The following PRKG2 variants were observed in gnomAD, a reference collection of about 807,000 sequenced individuals.
The protein encoded by PRKG2 is protein kinase cGMP-dependent 2.
A neutral mutation model predicts 97.2 loss-of-function variants in PRKG2; 33 were observed. The observed-to-expected ratio is 0.34, with a 90% CI of 0.26 to 0.45. The LOEUF is 0.45. Among genes scored for constraint, PRKG2 ranks in the 20% least tolerant of loss-of-function variants. PRKG2 has a pLI of 1.00. For missense variants in PRKG2, 638 were observed against 900.0 expected (o/e 0.71, Z 3.73); for synonymous variants, 330 against 321.8 (o/e 1.03, Z -0.27).
chr4:81,098,874 C>G (rs973396731), intron 17 of PRKG2, among the ~76,000 whole-genome samples: 2 of 152,134 alleles, frequency 1.3e-5, no homozygotes, highest in African/African-American at 4.8e-5. Flanking sequence ...CACAGACACA[C>G]AAAGTGAGCA....
intron 14 of PRKG2, among the ~76,000 whole-genome samples, chr4:81,128,127 T>A (rs1745790718): frequency 6.6e-6 from 1 of 152,132 alleles, no homozygotes; most frequent in Non-Finnish European, 1.5e-5. Flanking sequence ...ATCTAATGAA[T>A]TACATTTATT....
chr4:81,170,953 G>C lies in PRKG2; in HGVS notation c.742+738C>G, dbSNP rs541754022. On this transcript the variant is annotated intron_variant, in intron 4 of 18. Coordinates refer to ENST00000264399, the MANE Select transcript of PRKG2 (RefSeq NM_006259.3). ...ATTAAAGCAAATATGGAATCAGTCA[G>C]CTTAAAGCCATTGTTTTTGGCAGAA... Among the ~76,000 whole-genome samples the C allele has an allele frequency of 1.7e-4, 26 of 152,076 alleles. No homozygotes were observed. In the South Asian group the frequency reaches 5.0e-3, roughly 29 times the overall value.
chr4:81,170,984 C>A (rs758399098), intron 4 of PRKG2, among the ~76,000 whole-genome samples: 1 of 151,836 alleles, frequency 6.6e-6, no homozygotes, highest in Non-Finnish European at 1.5e-5. Context: ...CAGAACAAAC[C>A]TTTTTATTTT....
intron 13 of PRKG2, among the ~76,000 whole-genome samples, chr4:81,136,515 C>T (rs1254184429): frequency 6.6e-6 from 1 of 152,152 alleles, no homozygotes; most frequent in African/African-American, 2.4e-5. Context: ...TCTTCTGTTG[C>T]CCTTAACTTC....
chr4:81,121,443 TAGA>T (rs1371024562), intron 14 of PRKG2, among the ~76,000 whole-genome samples: 1 of 152,192 alleles, frequency 6.6e-6, no homozygotes, highest in Non-Finnish European at 1.5e-5. Context: ...CTTTGTGCTC[TAGA>T]AGGTTATTAA....
chr4:81,120,190 CTG>C (rs1331814476), intron 14 of PRKG2, among the ~76,000 whole-genome samples: 2 of 152,160 alleles, frequency 1.3e-5, no homozygotes, highest in African/African-American at 4.8e-5. Flanking sequence ...AATGTTCAAA[CTG>C]TGTTCAAATA....
intron 2 of PRKG2, among the ~76,000 whole-genome samples, chr4:81,188,590 A>T (rs1560615289): frequency 7.4e-6 from 1 of 134,888 alleles, no homozygotes; most frequent in Non-Finnish European, 1.5e-5. Context: ...TTATTGCGGC[A>T]CTATTCACAA....
chr4:81,095,874 A>C (rs977117453), intron 17 of PRKG2, among the ~76,000 whole-genome samples: 13 of 152,180 alleles, frequency 8.5e-5, no homozygotes, highest in African/African-American at 2.9e-4. Context: ...AAGTCACACA[A>C]ATTTTGGAGT....
intron 10 of PRKG2, among the ~76,000 whole-genome samples, chr4:81,143,158 A>C (rs1376522883): frequency 2.0e-5 from 3 of 152,216 alleles, no homozygotes; most frequent in Non-Finnish European, 2.9e-5. Context: ...ACACATATGC[A>C]TATACCAGGA....
chr4:81,160,177 C>CA, intron 6 of PRKG2, among the ~76,000 whole-genome samples: 1 of 152,088 alleles, frequency 6.6e-6, no homozygotes, highest in East Asian at 1.9e-4. Flanking sequence ...TAATTGAAGA[C>CA]ATAAAGAAAG....
In PRKG2 at chr4:81,171,906, C is replaced by T. The variant is rs1750513771; in HGVS notation, c.629-102G>A. On this transcript the variant is annotated intron_variant, in intron 3 of 18. Coordinates refer to ENST00000264399, the MANE Select transcript of PRKG2 (RefSeq NM_006259.3). The stretch of plus-strand genomic sequence containing the variant: ...ACAATCATAAAGCACACAAAGTATA[C>T]AGGTAAGATATTTTATGATTCTCAT... 4.0e-6 allele frequency: 3 copies of T among 744,718 alleles called. No individual in the cohort carries two copies. In the African/African-American group the frequency reaches 5.3e-5, roughly 13 times the overall value. The allele number at this position is 744,718 out of a possible 1,614,324, so 46.1% of individuals were successfully genotyped here. A position where few individuals can be genotyped will look rare whatever the true frequency, so the allele number is the denominator to read the frequency against.
chr4:81,128,617 G>T (rs1446319305), intron 14 of PRKG2, among the ~76,000 whole-genome samples: 1 of 152,202 alleles, frequency 6.6e-6, no homozygotes, highest in Non-Finnish European at 1.5e-5. Context: ...TATTTGCGTA[G>T]AAGTGTTTAT....
rs754209080 is a variant in PRKG2 at position 81,092,462 on chromosome 4, G to GAGAA, written c.2127-14_2127-11dup. ...AAAACCATTTAACCACCTGAGAAAT[G>GAGAA]AGAAAGGAAGGAAGGAAGGAAGGAA... On this transcript the variant is annotated splice_polypyrimidine_tract_variant and intron_variant, in intron 17 of 18. Coordinates refer to ENST00000264399, the MANE Select transcript of PRKG2 (RefSeq NM_006259.3). 1.6e-5 allele frequency: 17 copies of GAGAA among 1,063,792 alleles called. No individual in the cohort carries two copies. The highest frequency in any genetic ancestry group is 2.2e-5 in the Non-Finnish European group (17 of 790,196). The allele number at this position is 1,063,792 out of a possible 1,614,324, so 65.9% of individuals were successfully genotyped here.
intron 14 of PRKG2, among the ~76,000 whole-genome samples, chr4:81,118,642 T>C (rs994533360): frequency 6.6e-6 from 1 of 152,200 alleles, no homozygotes; most frequent in Non-Finnish European, 1.5e-5. Flanking sequence ...TTAATCAAGT[T>C]GTTTGTTTTC....
At chr4:81,153,580 T>G in intron 7 of PRKG2, 64 bp downstream of exon 7, 1 of 1,330,024 alleles carries the variant, frequency 7.5e-7, no homozygotes. Flanking sequence ...AAAGCATAGT[T>G]GAGTTTATGG....
Position 81,108,245 on chromosome 4 carries a change from A to G in PRKG2, c.1940+2203T>C, listed in dbSNP as rs148603936. Among the ~76,000 whole-genome samples, 311 of 152,168 alleles carry G rather than the reference A, an allele frequency of 2.0e-3. 1 individual carries two copies. The highest frequency in any genetic ancestry group is 0.011 in the South Asian group (51 of 4,826). Reference sequence around the variant, plus strand: ...ATAAAAACACTTTCATATTTATTCTATTATGCCATTTAATTTTTGAAAATT... The same window carrying G: ...ATAAAAACACTTTCATATTTATTCTGTTATGCCATTTAATTTTTGAAAATT... On this transcript the variant is annotated intron_variant, in intron 15 of 18. Transcript: ENST00000264399.
At chr4:81,166,630 G>A (rs963532546) in intron 6 of PRKG2, among the ~76,000 whole-genome samples, 18 of 152,010 alleles carry the variant, frequency 1.2e-4, no homozygotes, top group African/African-American at 3.4e-4. Flanking sequence ...CCAATATGCC[G>A]TTTCCCCCTA....
chr4:81,190,117 C>A (rs1279310826), intron 2 of PRKG2, among the ~76,000 whole-genome samples: 2 of 152,018 alleles, frequency 1.3e-5, no homozygotes, highest in African/African-American at 2.4e-5. Context: ...CCGGGATAGC[C>A]AAGACAATCC....
At chr4:81,210,701 G>T (rs1452617636) in intron 1 of PRKG2, among the ~76,000 whole-genome samples, 1 of 152,078 alleles carries the variant, frequency 6.6e-6, no homozygotes, top group East Asian at 1.9e-4. Context: ...ATGCTTCTTG[G>T]TATCTACCCA....
Sources: gnomAD v4.1 joint callset for allele counts (sites outside exome capture counted in the v4.1 genomes callset) on GRCh38, gnomAD v4.1.1 for gene constraint, MANE v1.5 for transcripts, NCBI Gene and HGNC (gene_info 2026-07-23, HGNC 2026-07-21) for gene names.